The following IL1RAPL1 variants were observed in gnomAD, a reference collection of about 807,000 sequenced individuals.
The protein encoded by IL1RAPL1 is interleukin 1 receptor accessory protein like 1, also known as interleukin-1 receptor accessory protein-like 1.
In IL1RAPL1, 3 loss-of-function variants were observed where a neutral mutation model predicts 48.4. The ratio of observed to expected loss-of-function variants is 0.06; its 90% confidence interval spans 0.03 to 0.16. The LOEUF (loss-of-function observed/expected upper bound fraction) is 0.16, where lower values mean the gene tolerates loss of function less well. Among genes scored for constraint, IL1RAPL1 ranks in the 10% least tolerant of loss-of-function variants. IL1RAPL1 has a pLI of 1.00. For missense variants in IL1RAPL1, 349 were observed against 530.6 expected (o/e 0.66, Z 3.36); for synonymous variants, 185 against 187.7 (o/e 0.99, Z 0.12).
At chrX:29,750,951 A>G (rs948081041) in intron 6 of IL1RAPL1, among the ~76,000 whole-genome samples, 2 of 111,711 alleles carry the variant, frequency 1.8e-5, no homozygotes, top group African/African-American at 6.5e-5. Flanking sequence ...TTGGTTCTCA[A>G]ACAATAACTT....
chrX:29,392,674 G>T (rs528363025), intron 3 of IL1RAPL1, among the ~76,000 whole-genome samples: 3 of 112,228 alleles, frequency 2.7e-5, no homozygotes, highest in African/African-American at 9.7e-5. Context: ...GAATACCTAA[G>T]TGATGCTCCT....
intron 3 of IL1RAPL1, among the ~76,000 whole-genome samples, chrX:29,364,816 A>T (rs1182614890): frequency 1.8e-5 from 2 of 111,052 alleles, no homozygotes; most frequent in African/African-American, 6.5e-5. Context: ...GGACTTGAAC[A>T]TCTGTGGGTT....
intron 3 of IL1RAPL1, among the ~76,000 whole-genome samples, chrX:29,321,571 G>C (rs1215806952): frequency 1.8e-5 from 2 of 111,868 alleles, no homozygotes; most frequent in Non-Finnish European, 3.8e-5. Context: ...TATGTGTGTA[G>C]TCGCACAGTG....
intron 1 of IL1RAPL1, among the ~76,000 whole-genome samples, chrX:28,683,633 C>T (rs1161918637): frequency 8.9e-6 from 1 of 112,157 alleles, no homozygotes; most frequent in Non-Finnish European, 1.9e-5. Flanking sequence ...GTGGCTTAAA[C>T]AACACAAATT....
intron 2 of IL1RAPL1, among the ~76,000 whole-genome samples, chrX:28,805,374 A>G (rs1233764463): frequency 9.0e-6 from 1 of 111,405 alleles, no homozygotes; most frequent in Non-Finnish European, 1.9e-5. Flanking sequence ...TGGGTTTTCA[A>G]AATGATGTAT....
intron 1 of IL1RAPL1, among the ~76,000 whole-genome samples, chrX:28,669,799 C>A (rs1241809763): frequency 9.8e-6 from 1 of 102,132 alleles, no homozygotes; most frequent in Non-Finnish European, 2.0e-5. Context: ...ATATATATAT[C>A]CCCTCCAAAA....
chrX:29,545,469 G>A lies in IL1RAPL1; in HGVS notation c.704-122961G>A, dbSNP rs921878344. Among the ~76,000 whole-genome samples, 4 of 111,326 alleles carry A rather than the reference G, an allele frequency of 3.6e-5. No homozygotes were observed. In the Admixed American group the frequency reaches 3.8e-4, roughly 11 times the overall value. Reference sequence around the variant, plus strand: ...CAAATCAAGACTTAGAGCATTCCTTGTTCCCTAGCAGCCTCTCTCATGCTC... The same window carrying A: ...CAAATCAAGACTTAGAGCATTCCTTATTCCCTAGCAGCCTCTCTCATGCTC... On this transcript the variant is annotated intron_variant, in intron 5 of 10. Transcript: ENST00000378993.
intron 5 of IL1RAPL1, among the ~76,000 whole-genome samples, chrX:29,613,738 TG>T (rs1924171615): frequency 1.0e-5 from 1 of 98,033 alleles, no homozygotes. Flanking sequence ...TGTGTGTGTG[TG>T]TGTGTGTGTG....
chrX:29,096,065 A>G (rs1928207507), intron 2 of IL1RAPL1, among the ~76,000 whole-genome samples: 1 of 111,502 alleles, frequency 9.0e-6, no homozygotes, highest in Admixed American at 9.6e-5. Flanking sequence ...ATTATCTTTG[A>G]TAATCCCCAT....
At chrX:28,776,344 GAAGCA>G (rs1186841443) in intron 1 of IL1RAPL1, among the ~76,000 whole-genome samples, 1 of 111,721 alleles carries the variant, frequency 9.0e-6, no homozygotes, top group African/African-American at 3.2e-5. Flanking sequence ...GGGAAGTTAA[GAAGCA>G]ACAAGATCAA....
intron 6 of IL1RAPL1, among the ~76,000 whole-genome samples, chrX:29,836,188 C>CTT (rs201175211): frequency 3.4e-5 from 3 of 89,194 alleles, no homozygotes; most frequent in African/African-American, 4.7e-5. Context: ...TTTCATTTTT[C>CTT]TTTTTTTTTT....
intron 2 of IL1RAPL1, among the ~76,000 whole-genome samples, chrX:28,945,532 T>G: frequency 9.1e-6 from 1 of 110,301 alleles, no homozygotes; most frequent in South Asian, 3.9e-4. Flanking sequence ...TTCTCACTCA[T>G]AAATGGGAGT....
At chrX:29,319,173 T>C (rs1016753756) in intron 3 of IL1RAPL1, among the ~76,000 whole-genome samples, 2 of 83,949 alleles carry the variant, frequency 2.4e-5, no homozygotes, top group Admixed American at 1.4e-4. Context: ...TATCTATCTA[T>C]CTATCTATCT....
chrX:28,783,450 T>C (rs1023166360), intron 1 of IL1RAPL1, among the ~76,000 whole-genome samples: 1 of 111,518 alleles, frequency 9.0e-6, no homozygotes, highest in African/African-American at 3.3e-5. Flanking sequence ...AAGGTCAACA[T>C]TCCCTTGTCA....
At chrX:29,895,255 G>A (rs1247598044) in intron 6 of IL1RAPL1, among the ~76,000 whole-genome samples, 3 of 111,780 alleles carry the variant, frequency 2.7e-5, no homozygotes, top group Admixed American at 1.9e-4. Flanking sequence ...TTAAATAAGA[G>A]CTATTGTGTA....
intron 5 of IL1RAPL1, among the ~76,000 whole-genome samples, chrX:29,615,548 A>G (rs1602327710): frequency 9.0e-6 from 1 of 111,198 alleles, no homozygotes; most frequent in South Asian, 3.9e-4. Context: ...GCTTTCAACA[A>G]TTCTTGGGAA....
intron 5 of IL1RAPL1, among the ~76,000 whole-genome samples, chrX:29,484,766 T>A (rs934465194): frequency 1.8e-5 from 2 of 111,965 alleles, no homozygotes; most frequent in Admixed American, 9.5e-5. Flanking sequence ...TTCCTTATGC[T>A]TCCTTTTTAG....
chrX:29,422,665 A>G lies in IL1RAPL1; in HGVS notation c.703+23357A>G, dbSNP rs750861347. ...AAATGCCAAGGGCAAGTTGACTTTT[A>G]GAGTTAATTTCTTTCATTTATATAA... is the stretch of plus-strand genomic sequence containing the variant. On this transcript the variant is annotated intron_variant, in intron 5 of 10. Coordinates refer to ENST00000378993, the MANE Select transcript of IL1RAPL1 (RefSeq NM_014271.4). Among the ~76,000 whole-genome samples the G allele has an allele frequency of 4.5e-5, 5 of 112,021 alleles. No individual in the cohort carries two copies. The South Asian group carries it at 1.5e-3, about 33-fold the overall frequency.
intron 1 of IL1RAPL1, among the ~76,000 whole-genome samples, chrX:28,667,148 T>C (rs1457878221): frequency 8.9e-6 from 1 of 111,980 alleles, no homozygotes; most frequent in Non-Finnish European, 1.9e-5. Flanking sequence ...AGCAAGTGAA[T>C]GAAATCATTC....
Sources: allele counts gnomAD v4.1 joint callset (sites outside exome capture counted in the v4.1 genomes callset), GRCh38; gene constraint gnomAD v4.1.1; transcripts MANE v1.5; gene names NCBI Gene and HGNC (gene_info 2026-07-23, HGNC 2026-07-21).